CLEC16A: variants seen among roughly 807,000 people sequenced by gnomAD.
The protein encoded by CLEC16A is C-type lectin domain containing 16A.
Under a neutral mutation model 109.5 loss-of-function variants are expected in CLEC16A, and 51 were observed. That is an observed-to-expected ratio of 0.47 (90% CI 0.37 to 0.59). The LOEUF (loss-of-function observed/expected upper bound fraction) is 0.59. CLEC16A is among the 20% of genes least tolerant of loss of function. The probability of loss-of-function intolerance (pLI) is 0.00; values close to 1 mark genes in which losing one functional copy is unlikely to be tolerated. For synonymous variants in CLEC16A, 673 were observed against 564.2 expected (o/e 1.19, Z -2.73); for missense variants, 1,339 against 1,394.0 (o/e 0.96, Z 0.63).
At chr16:11,025,484 C>CTTGCTGCCG (rs1215106902) in intron 13 of CLEC16A, among the ~76,000 whole-genome samples, 1 of 152,182 alleles carries the variant, frequency 6.6e-6, no homozygotes, top group Admixed American at 6.5e-5. Flanking sequence ...CATTCACCGC[C>CTTGCTGCCG]TTGCTGCCGA....
chr16:10,972,045 G>A (rs1299327185), intron 5 of CLEC16A, among the ~76,000 whole-genome samples: 1 of 152,220 alleles, frequency 6.6e-6, no homozygotes, highest in Non-Finnish European at 1.5e-5. Context: ...GAGCCCAACT[G>A]GACCCACCCA....
intron 22 of CLEC16A, among the ~76,000 whole-genome samples, chr16:11,147,996 T>C (rs74009928): frequency 0.015 from 2,313 of 152,364 alleles, 48 homozygotes; most frequent in African/African-American, 0.052. Flanking sequence ...AACTCTGTTC[T>C]TACTGGTAAA....
intron 18 of CLEC16A, among the ~76,000 whole-genome samples, chr16:11,058,012 A>C (rs2048296636): frequency 6.6e-6 from 1 of 152,096 alleles, no homozygotes; most frequent in South Asian, 2.1e-4. Context: ...TGGTGGGGTG[A>C]ATTTTATGGC....
At chr16:11,173,786 G>A (rs1324566881) in intron 23 of CLEC16A, among the ~76,000 whole-genome samples, 3 of 152,192 alleles carry the variant, frequency 2.0e-5, no homozygotes, top group African/African-American at 7.2e-5. Flanking sequence ...AAACTGACAG[G>A]TGATTCTGTT....
intron 13 of CLEC16A, among the ~76,000 whole-genome samples, chr16:11,039,469 C>G (rs938386071): frequency 6.6e-6 from 1 of 152,118 alleles, no homozygotes; most frequent in South Asian, 2.1e-4. Context: ...CCAGTCATGA[C>G]AGCAGTTGCC....
Position 11,120,741 on chromosome 16 carries a change from T to C in CLEC16A, c.2243T>C (p.Val748Ala). The C allele has an allele frequency of 6.4e-7, 1 of 1,569,890 alleles. No homozygotes were observed. Among genetic ancestry groups the C allele is most frequent in the Non-Finnish European group, 8.6e-7 (1 of 1,156,396 alleles). Residue 748 changes from valine to alanine, a missense_variant, in exon 20 of 24, where the codon GTG becomes GCG. Val to Ala is a moderately conservative substitution (Grantham distance 64, BLOSUM62 0). Coordinates refer to ENST00000409790, the MANE Select transcript of CLEC16A (RefSeq NM_015226.3). ...EPDVSRLGWG[V>A]VKFAGLLQDM... Reference sequence around the variant, plus strand: ...GATGTGTCCAGGCTTGGCTGGGGAGTGGTCAAGTTTGCAGGCCTATTGCAG... The same window carrying C: ...GATGTGTCCAGGCTTGGCTGGGGAGCGGTCAAGTTTGCAGGCCTATTGCAG...
Position 11,178,773 on chromosome 16 carries a change from C to A in CLEC16A, c.*83C>A. 1 of 1,103,166 alleles carries A rather than the reference C, an allele frequency of 9.1e-7. No homozygotes were observed. Among genetic ancestry groups the A allele is most frequent in the Non-Finnish European group, 1.3e-6 (1 of 797,112 alleles). 68.3% of individuals were successfully genotyped at this position (1,103,166 alleles called of 1,614,324 possible). On this transcript the variant is annotated 3_prime_UTR_variant, in exon 24 of 24. Coordinates refer to ENST00000409790, the MANE Select transcript of CLEC16A (RefSeq NM_015226.3). The surrounding 1 kb of genome is among the most constrained non-coding windows in gnomAD (Gnocchi z 6.5). ...GCTGACTGGCAAGACACACTGGGAGCACCCACCATTCTGTGCGGCCCCCAG... is the reference window on the plus strand; with the variant it reads ...GCTGACTGGCAAGACACACTGGGAGAACCCACCATTCTGTGCGGCCCCCAG...
chr16:10,986,192 G>A (rs779426159), intron 10 of CLEC16A, among the ~76,000 whole-genome samples: 17 of 151,236 alleles, frequency 1.1e-4, no homozygotes, highest in Non-Finnish European at 1.9e-4. Flanking sequence ...CCCCACACCC[G>A]GCTCATTTTT....
chr16:11,079,195 A>C (rs2049563078), intron 19 of CLEC16A, among the ~76,000 whole-genome samples: 1 of 152,244 alleles, frequency 6.6e-6, no homozygotes, highest in African/African-American at 2.4e-5. Flanking sequence ...AACTCCCTGC[A>C]GCACTGAAAC....
intron 19 of CLEC16A, among the ~76,000 whole-genome samples, chr16:11,081,471 G>T (rs893540633): frequency 1.3e-5 from 2 of 152,050 alleles, no homozygotes; most frequent in East Asian, 3.9e-4. Context: ...TCCAGGTAGG[G>T]CTCCTCCAGG....
intron 19 of CLEC16A, among the ~76,000 whole-genome samples, chr16:11,116,558 T>C (rs9923856): frequency 0.41 from 61,648 of 151,998 alleles, 14,254 homozygotes; most frequent in African/African-American, 0.64. Flanking sequence ...GACATCCACA[T>C]GAAACCAGAA....
chr16:10,948,186 C>G (rs1170985477), intron 1 of CLEC16A, among the ~76,000 whole-genome samples: 1 of 152,216 alleles, frequency 6.6e-6, no homozygotes, highest in Admixed American at 6.5e-5. Context: ...AGCCACTGCA[C>G]CCGGCCTAGA....
At chr16:10,950,256 T>G (rs2041657256) in intron 1 of CLEC16A, among the ~76,000 whole-genome samples, 1 of 152,218 alleles carries the variant, frequency 6.6e-6, no homozygotes, top group Non-Finnish European at 1.5e-5. Flanking sequence ...ATAAGAATCA[T>G]GAAAGCCTGT....
intron 9 of CLEC16A, among the ~76,000 whole-genome samples, chr16:10,981,780 G>A (rs1003991571): frequency 6.6e-6 from 1 of 152,244 alleles, no homozygotes; most frequent in Non-Finnish European, 1.5e-5. Flanking sequence ...GGGTTACAGG[G>A]TTCTCGTATG....
intron 12 of CLEC16A, among the ~76,000 whole-genome samples, chr16:11,022,414 C>G (rs1985869): frequency 0.49 from 70,920 of 145,500 alleles, 18,424 homozygotes; most frequent in African/African-American, 0.68. Context: ...CTCCTGGCCT[C>G]AAGTGATCCT....
chr16:11,113,625 C>A (rs1835810451), intron 19 of CLEC16A, among the ~76,000 whole-genome samples: 1 of 152,096 alleles, frequency 6.6e-6, no homozygotes, highest in Admixed American at 6.5e-5. Flanking sequence ...CTCCCCTGTA[C>A]TCCAGCCTGG....
intron 13 of CLEC16A, among the ~76,000 whole-genome samples, chr16:11,037,802 A>G (rs1176509499): frequency 1.5e-4 from 2 of 13,206 alleles, no homozygotes; most frequent in East Asian, 2.7e-3. Flanking sequence ...CCCCACCCCC[A>G]GAACCACTGA....
chr16:10,991,520 C>T (rs1176787404), intron 10 of CLEC16A, among the ~76,000 whole-genome samples: 1 of 150,706 alleles, frequency 6.6e-6, no homozygotes, highest in Non-Finnish European at 1.5e-5. Flanking sequence ...GGCAATGTGG[C>T]AAGGGGATGG....
intron 1 of CLEC16A, among the ~76,000 whole-genome samples, chr16:10,949,407 C>A (rs1288562559): frequency 1.3e-5 from 2 of 152,028 alleles, no homozygotes; most frequent in Non-Finnish European, 2.9e-5. Context: ...AAATGGAGAC[C>A]AACGGGGTGA....
Sources: gnomAD v4.1 joint callset for allele counts (sites outside exome capture counted in the v4.1 genomes callset) on GRCh38, gnomAD v4.1.1 for gene constraint, Gnocchi (gnomAD v3.1) non-coding constraint, MANE v1.5 for transcripts, NCBI Gene and HGNC (gene_info 2026-07-23, HGNC 2026-07-21) for gene names.